The following ZNF407 variants were observed in gnomAD, a reference collection of about 807,000 sequenced individuals.
The protein encoded by ZNF407 is zinc finger protein 407.
ZNF407 carries 17 observed loss-of-function variants against 131.2 expected under a neutral mutation model. The ratio of observed to expected loss-of-function variants is 0.13; its 90% CI spans 0.09 to 0.19. The LOEUF (loss-of-function observed/expected upper bound fraction) is 0.19. Among genes scored for constraint, ZNF407 ranks in the 10% least tolerant of loss-of-function variants. The probability of loss-of-function intolerance (pLI) is 1.00; values close to 1 mark genes in which losing one functional copy is unlikely to be tolerated. For missense variants in ZNF407, 2,681 were observed against 2,830.6 expected (o/e 0.95, Z 1.20); for synonymous variants, 1,156 against 1,062.0 (o/e 1.09, Z -1.72).
chr18:74,720,175 TA>T (rs1967995916), intron 3 of ZNF407, among the ~76,000 whole-genome samples: 1 of 75,184 alleles, frequency 1.3e-5, no homozygotes, highest in Non-Finnish European at 3.2e-5. Flanking sequence ...CAGCATTTGC[TA>T]TTTTTTTTTT....
At chr18:75,004,845 C>T (rs754093439) in intron 8 of ZNF407, among the ~76,000 whole-genome samples, 12 of 152,160 alleles carry the variant, frequency 7.9e-5, no homozygotes, top group Non-Finnish European at 1.6e-4. Context: ...TACCCCTCAC[C>T]GGGGTGGTAA....
intron 8 of ZNF407, among the ~76,000 whole-genome samples, chr18:74,986,035 C>A (rs573480865): frequency 6.4e-4 from 98 of 152,300 alleles, no homozygotes; most frequent in African/African-American, 2.2e-3. Flanking sequence ...AGTGTGTGTA[C>A]TGCAGCATCC....
chr18:74,795,954 G>A (rs1298008371), intron 4 of ZNF407, among the ~76,000 whole-genome samples: 1 of 152,228 alleles, frequency 6.6e-6, no homozygotes, highest in Non-Finnish European at 1.5e-5. Flanking sequence ...GTGCACACGC[G>A]CACACACGCA....
intron 8 of ZNF407, among the ~76,000 whole-genome samples, chr18:74,950,771 T>A (rs528968422): frequency 4.6e-5 from 7 of 152,338 alleles, no homozygotes; most frequent in African/African-American, 1.7e-4. Context: ...CCCATTTTCT[T>A]GCTAATGGGA....
At chr18:74,877,697 G>A (rs1971178917) in intron 5 of ZNF407, among the ~76,000 whole-genome samples, 2 of 152,272 alleles carry the variant, frequency 1.3e-5, no homozygotes, top group Admixed American at 1.3e-4. Context: ...AAGGTCATAT[G>A]GAGAGATTAA....
chr18:74,713,155 C>T (rs1967806249), intron 3 of ZNF407, among the ~76,000 whole-genome samples: 1 of 152,146 alleles, frequency 6.6e-6, no homozygotes. Flanking sequence ...AGCACACTGG[C>T]AGATGTTAAA....
intron 1 of ZNF407, among the ~76,000 whole-genome samples, chr18:74,629,699 A>C (rs1983961095): frequency 6.6e-6 from 1 of 152,212 alleles, no homozygotes; most frequent in South Asian, 2.1e-4. Context: ...AAAATAGCTA[A>C]AATAGTTTAA....
At chr18:74,613,257 T>C (rs546666702) in intron 1 of ZNF407, among the ~76,000 whole-genome samples, 1 of 149,858 alleles carries the variant, frequency 6.7e-6, no homozygotes, top group Admixed American at 6.6e-5. Flanking sequence ...TTTATAACTT[T>C]GTTTTCTTTT....
At chr18:74,861,785 C>A (rs1415701620) in intron 4 of ZNF407, among the ~76,000 whole-genome samples, 1 of 151,986 alleles carries the variant, frequency 6.6e-6, no homozygotes, top group East Asian at 1.9e-4. Context: ...TCATGTTTTT[C>A]ATTTAAAAAA....
intron 8 of ZNF407, among the ~76,000 whole-genome samples, chr18:74,969,112 C>T (rs1265493596): frequency 2.6e-5 from 4 of 152,082 alleles, no homozygotes; most frequent in African/African-American, 9.7e-5. Context: ...ATTCCATTTG[C>T]TTCATTTTTG....
At chr18:74,911,122 G>A (rs1195843232) in intron 7 of ZNF407, among the ~76,000 whole-genome samples, 1 of 152,150 alleles carries the variant, frequency 6.6e-6, no homozygotes, top group East Asian at 1.9e-4. Flanking sequence ...AGTACATACT[G>A]TTTTACATGT....
chr18:74,650,784 G>A (rs1049654682), intron 3 of ZNF407, among the ~76,000 whole-genome samples: 2 of 152,084 alleles, frequency 1.3e-5, no homozygotes, highest in Non-Finnish European at 1.5e-5. Flanking sequence ...AAAATTTACT[G>A]GCTTTATAGT....
chr18:74,993,130 C>G (rs1341734740), intron 8 of ZNF407, among the ~76,000 whole-genome samples: 2 of 152,100 alleles, frequency 1.3e-5, no homozygotes, highest in Non-Finnish European at 2.9e-5. Flanking sequence ...GATTCCACTC[C>G]TAGGAATTTA....
intron 4 of ZNF407, among the ~76,000 whole-genome samples, chr18:74,791,263 T>C (rs777006185): frequency 1.9e-4 from 29 of 152,248 alleles, no homozygotes; most frequent in Non-Finnish European, 3.5e-4. Context: ...ACTTGACATT[T>C]ACTAAGCTAA....
chr18:74,837,312 C>A (rs1259386631), intron 4 of ZNF407, among the ~76,000 whole-genome samples: 1 of 151,728 alleles, frequency 6.6e-6, no homozygotes, highest in Admixed American at 6.6e-5. Flanking sequence ...TGGTATAAAC[C>A]TACTAGTATA....
intron 8 of ZNF407, among the ~76,000 whole-genome samples, chr18:74,950,605 C>T (rs1481613969): frequency 1.3e-5 from 2 of 152,186 alleles, no homozygotes; most frequent in Non-Finnish European, 2.9e-5. Context: ...GTTACAGATA[C>T]CTAAAAATCT....
intron 8 of ZNF407, among the ~76,000 whole-genome samples, chr18:75,041,628 A>G (rs1041005173): frequency 1.7e-4 from 24 of 138,450 alleles, no homozygotes; most frequent in South Asian, 1.3e-3. Context: ...ACGTGCACAC[A>G]CACACACACA....
intron 8 of ZNF407, among the ~76,000 whole-genome samples, chr18:75,006,780 T>C (rs1227467769): frequency 6.6e-6 from 1 of 152,130 alleles, no homozygotes; most frequent in African/African-American, 2.4e-5. Flanking sequence ...ATTTACCAAA[T>C]ACTGAGAGAG....
chr18:74,882,379 C>T (rs1362993050), intron 6 of ZNF407, among the ~76,000 whole-genome samples: 2 of 152,100 alleles, frequency 1.3e-5, no homozygotes, highest in Admixed American at 1.3e-4. Flanking sequence ...TCCTACTTCT[C>T]TTAGGTCTCA....
Sources: gnomAD v4.1 joint callset for allele counts (sites outside exome capture counted in the v4.1 genomes callset) on GRCh38, gnomAD v4.1.1 for gene constraint, MANE v1.5 for transcripts, NCBI Gene and HGNC (gene_info 2026-07-23, HGNC 2026-07-21) for gene names.